The following PCDH15 variants were observed in gnomAD, a reference collection of about 807,000 sequenced individuals.
The protein encoded by PCDH15 is protocadherin-15.
In PCDH15, 129 loss-of-function variants were observed where a neutral mutation model predicts 178.5. The observed-to-expected ratio is 0.72, with a 90% CI of 0.63 to 0.84. The LOEUF (loss-of-function observed/expected upper bound fraction) is 0.84. PCDH15 is among the 40% of genes least tolerant of loss of function. PCDH15 has a pLI of 0.00. For missense variants in PCDH15, 2,230 were observed against 2,099.9 expected (o/e 1.06, Z -1.21); for synonymous variants, 800 against 732.0 (o/e 1.09, Z -1.50).
At chr10:53,855,904 G>GTATGTATATATATATATATATATATATA (rs147606526) in intron 28 of PCDH15, among the ~76,000 whole-genome samples, 18 of 109,690 alleles carry the variant, frequency 1.6e-4, no homozygotes, top group African/African-American at 5.7e-4. Context: ...AAGGTGATAT[G>GTATGTATATATATATATATATATATATA]TATATATATA....
At chr10:54,491,964 A>G (rs1278790275) in intron 3 of PCDH15, among the ~76,000 whole-genome samples, 2 of 152,198 alleles carry the variant, frequency 1.3e-5, no homozygotes, top group Non-Finnish European at 2.9e-5. Context: ...ACGGTGATCC[A>G]AACTTATATT....
At chr10:55,405,374 T>C (rs118018490) in intron 2 of PCDH15, among the ~76,000 whole-genome samples, 4,803 of 148,764 alleles carry the variant, frequency 0.032, 132 homozygotes, top group Admixed American at 0.051. Context: ...AATCTTTATC[T>C]ATGAAAGACT....
intron 2 of PCDH15, among the ~76,000 whole-genome samples, chr10:55,353,726 C>A (rs1468702818): frequency 6.6e-6 from 1 of 152,070 alleles, no homozygotes; most frequent in African/African-American, 2.4e-5. Flanking sequence ...ACATACCTTG[C>A]ACTTCTACCT....
At chr10:54,182,964 T>G (rs542236724) in intron 13 of PCDH15, among the ~76,000 whole-genome samples, 1 of 143,254 alleles carries the variant, frequency 7.0e-6, no homozygotes, top group South Asian at 2.1e-4. Context: ...CTTTTATTTG[T>G]TTTTGGTTTT....
At chr10:55,518,910 T>C (rs1178426420) in intron 2 of PCDH15, among the ~76,000 whole-genome samples, 1 of 151,586 alleles carries the variant, frequency 6.6e-6, no homozygotes, top group Non-Finnish European at 1.5e-5. Context: ...CTGGCCAACA[T>C]GGTGAAACCC....
At chr10:55,198,758 C>T (rs1465129147) in intron 1 of PCDH15, among the ~76,000 whole-genome samples, 2 of 151,792 alleles carry the variant, frequency 1.3e-5, no homozygotes, top group Non-Finnish European at 2.9e-5. Context: ...ACTGGGATTA[C>T]AGGCGTGAGC....
At position 55,267,114 on chromosome 10, in the gene PCDH15, C is replaced by G. The variant is rs570238463; in HGVS notation, c.-156+52485G>C. On this transcript the variant is annotated intron_variant, in intron 1 of 5. Coordinates refer to the PCDH15 transcript ENST00000458638. ...AAAAGGAAGGAAGAATAAAGGAAGG[C>G]AGGGAGGGGGAGGGTAGGAGAAGGA... Among the ~76,000 whole-genome samples the G allele has an allele frequency of 9.3e-5, 14 of 151,020 alleles. No individual in the cohort carries two copies. The South Asian group carries it at 1.3e-3, about 14-fold the overall frequency.
chr10:54,604,678 A>G (rs573982518), intron 2 of PCDH15, among the ~76,000 whole-genome samples: 25 of 151,978 alleles, frequency 1.6e-4, no homozygotes, highest in African/African-American at 5.5e-4. Context: ...GTTGGTGCCA[A>G]GTTTTTATTC....
intron 2 of PCDH15, among the ~76,000 whole-genome samples, chr10:55,050,586 C>T (rs1490045474): frequency 1.3e-5 from 2 of 151,998 alleles, no homozygotes; most frequent in Admixed American, 1.3e-4. Flanking sequence ...CAAAAGAAAG[C>T]AAAACGCTGT....
chr10:54,465,168 G>T (rs1336715856), intron 3 of PCDH15, among the ~76,000 whole-genome samples: 2 of 152,028 alleles, frequency 1.3e-5, no homozygotes, highest in South Asian at 4.1e-4. Flanking sequence ...CAGGGGACAT[G>T]TGATTTTTTT....
rs200051008 is a variant in PCDH15 at position 54,860,271 on chromosome 10, A to G, written c.-29+37179T>C. Among the ~76,000 whole-genome samples the G allele has an allele frequency of 6.6e-5, 10 of 152,246 alleles. No individual in the cohort carries two copies. In the East Asian group the frequency reaches 1.9e-3, roughly 29 times the overall value. On this transcript the variant is annotated intron_variant, in intron 3 of 5. Coordinates refer to the PCDH15 transcript ENST00000458638. ...CCAGGTAGTGAGCATAATACACAGT[A>G]GGTAGTTTTTCAGCCCTTGCCCCTT...
chr10:54,453,298 A>G (rs1186220917), intron 3 of PCDH15, among the ~76,000 whole-genome samples: 1 of 152,196 alleles, frequency 6.6e-6, no homozygotes, highest in Non-Finnish European at 1.5e-5. Flanking sequence ...AATGTGGCAC[A>G]TATACACCAT....
chr10:53,926,939 A>C (rs2084609572), intron 25 of PCDH15, among the ~76,000 whole-genome samples: 1 of 152,164 alleles, frequency 6.6e-6, no homozygotes, highest in African/African-American at 2.4e-5. Flanking sequence ...CCCTTACAGC[A>C]CTTAGAACAA....
intron 15 of PCDH15, among the ~76,000 whole-genome samples, chr10:54,108,794 C>G (rs768887330): frequency 6.6e-6 from 1 of 152,128 alleles, no homozygotes; most frequent in African/African-American, 2.4e-5. Context: ...ATCTTGAATA[C>G]CAGGTAAGCC....
chr10:54,226,316 T>C (rs1318778300), intron 9 of PCDH15, among the ~76,000 whole-genome samples: 1 of 152,166 alleles, frequency 6.6e-6, no homozygotes, highest in African/African-American at 2.4e-5. Flanking sequence ...CGTGAGATTA[T>C]TCACTGTCAT....
intron 2 of PCDH15, among the ~76,000 whole-genome samples, chr10:55,055,219 C>T (rs1841267780): frequency 6.6e-6 from 1 of 152,134 alleles, no homozygotes; most frequent in Admixed American, 6.5e-5. Flanking sequence ...CAGTCTCAAT[C>T]TTTTGCATAT....
chr10:54,018,871 T>C (rs1181097258), intron 20 of PCDH15, among the ~76,000 whole-genome samples: 1 of 152,088 alleles, frequency 6.6e-6, no homozygotes, highest in Non-Finnish European at 1.5e-5. Flanking sequence ...GAGCCATAAT[T>C]ATCAATTATA....
chr10:53,955,413 C>A (rs1212858666), intron 23 of PCDH15, among the ~76,000 whole-genome samples: 2 of 152,178 alleles, frequency 1.3e-5, no homozygotes, highest in African/African-American at 4.8e-5. Context: ...TCAACGGAGT[C>A]AGTGACAGAA....
chr10:53,882,534 G>T (rs1322255657), intron 26 of PCDH15, among the ~76,000 whole-genome samples: 1 of 152,088 alleles, frequency 6.6e-6, no homozygotes, highest in African/African-American at 2.4e-5. Context: ...GCTAATTTTT[G>T]TATTTTTAGT....
Sources: gnomAD v4.1 joint callset for allele counts (sites outside exome capture counted in the v4.1 genomes callset) on GRCh38, gnomAD v4.1.1 for gene constraint, MANE v1.5 for transcripts, NCBI Gene and HGNC (gene_info 2026-07-23, HGNC 2026-07-21) for gene names.